Variants in NDUFAF5 observed in about 807,000 individuals in gnomAD.
NDUFAF5 encodes the protein NADH:ubiquinone oxidoreductase complex assembly factor 5, also known as arginine-hydroxylase NDUFAF5, mitochondrial.
NDUFAF5 carries 34 observed loss-of-function variants against 48.9 expected under a neutral mutation model. The ratio of observed to expected loss-of-function variants is 0.70; its 90% CI spans 0.53 to 0.93. NDUFAF5 has a LOEUF of 0.93. Ranked by LOEUF, NDUFAF5 falls within the 40% of genes least tolerant of loss-of-function variation. The probability of loss-of-function intolerance (pLI) is 0.00; values close to 1 mark genes in which losing one functional copy is unlikely to be tolerated. For missense variants in NDUFAF5, 428 were observed against 427.5 expected (o/e 1.00, Z -0.01); for synonymous variants, 153 against 150.6 (o/e 1.02, Z -0.12).
At chr20:13,796,127 G>A (rs898583476) in intron 5 of NDUFAF5, among the ~76,000 whole-genome samples, 3 of 152,096 alleles carry the variant, frequency 2.0e-5, no homozygotes, top group Admixed American at 6.5e-5. Context: ...CAACTCTTTC[G>A]ATAGCTGTTT....
At chr20:13,803,662 A>G (rs919575524) in intron 7 of NDUFAF5, among the ~76,000 whole-genome samples, 2 of 152,256 alleles carry the variant, frequency 1.3e-5, no homozygotes, top group Non-Finnish European at 2.9e-5. Context: ...AACATCTGTC[A>G]GTATTCACTA....
chr20:13,816,806 G>T, intron 9 of NDUFAF5, 69 bp from the exon 10 acceptor site: 1 of 979,478 alleles, frequency 1.0e-6, no homozygotes, highest in South Asian at 1.3e-5. Context: ...TGAAGAACAT[G>T]ACCTTTATTG....
chr20:13,785,068 G>A lies in NDUFAF5; in HGVS notation c.-1G>A. 6.2e-7 allele frequency: 1 copy of A among 1,610,574 alleles called. No homozygotes were observed. Among genetic ancestry groups the A allele is most frequent in the African/African-American group, 1.3e-5 (1 of 75,020 alleles). Reference sequence around the variant, plus strand: ...GCCGGCAATTGGGGTCGCAGCTGGAGATGCTGCGGCCGGCAGGGCTCTGGC... The same window carrying A: ...GCCGGCAATTGGGGTCGCAGCTGGAAATGCTGCGGCCGGCAGGGCTCTGGC... On this transcript the variant is annotated 5_prime_UTR_variant, in exon 1 of 11. Coordinates refer to ENST00000378106, the MANE Select transcript of NDUFAF5 (RefSeq NM_024120.5).
At chr20:13,793,855 T>C (rs1982743393) in intron 4 of NDUFAF5, among the ~76,000 whole-genome samples, 1 of 152,252 alleles carries the variant, frequency 6.6e-6, no homozygotes. Flanking sequence ...AGGTACTTTT[T>C]ACTACTTTGC....
intron 3 of NDUFAF5, among the ~76,000 whole-genome samples, chr20:13,791,803 T>C (rs1239565082): frequency 6.6e-6 from 1 of 152,196 alleles, no homozygotes; most frequent in African/African-American, 2.4e-5. Flanking sequence ...GCCTTCATTC[T>C]TTTTACTCCC....
At chr20:13,806,457 C>T (rs141242564) in intron 7 of NDUFAF5, among the ~76,000 whole-genome samples, 2 of 152,104 alleles carry the variant, frequency 1.3e-5, no homozygotes, top group Admixed American at 6.5e-5. Context: ...TGCAGTGAGC[C>T]GAGATCGCAC....
intron 3 of NDUFAF5, among the ~76,000 whole-genome samples, chr20:13,789,963 T>C (rs1166810163): frequency 6.6e-6 from 1 of 152,100 alleles, no homozygotes; most frequent in Non-Finnish European, 1.5e-5. Flanking sequence ...GTTCATGTGG[T>C]CAAGGATTCT....
In NDUFAF5 at chr20:13,816,499, C is replaced by T. The variant is rs1600395924; in HGVS notation, c.815C>T (p.Ala272Val). ...GESNCAWNRK[A>V]LLHRDTMLAA... ...AGTAACTGTGCTTGGAATAGAAAAG[C>T]CCTGCTGCATCGAGACACAATGCTG... The change falls in exon 9 of 11, where the codon GCC (alanine) becomes GTC (valine). Residue 272 changes from alanine to valine, a missense_variant. Coordinates refer to ENST00000378106, the MANE Select transcript of NDUFAF5 (RefSeq NM_024120.5). 2.5e-6 allele frequency: 4 copies of T among 1,614,138 alleles called. No individual in the cohort carries two copies. The highest frequency in any genetic ancestry group is 3.4e-6 in the Non-Finnish European group (4 of 1,179,988).
At chr20:13,790,308 G>A (rs1421687425) in intron 3 of NDUFAF5, among the ~76,000 whole-genome samples, 2 of 146,580 alleles carry the variant, frequency 1.4e-5, no homozygotes, top group Admixed American at 1.4e-4. Flanking sequence ...AGATATGGTA[G>A]GCAGAGCAAA....
At chr20:13,793,285 T>C (rs1358232440) in intron 4 of NDUFAF5, 58 bp downstream of exon 4, 3 of 1,360,622 alleles carry the variant, frequency 2.2e-6, no homozygotes, top group South Asian at 1.2e-5. Context: ...TCTCATATTT[T>C]ATTTCTTTAT....
At chr20:13,789,378 C>T (rs1030298309) in intron 3 of NDUFAF5, among the ~76,000 whole-genome samples, 40 of 151,896 alleles carry the variant, frequency 2.6e-4, no homozygotes, top group Admixed American at 1.4e-3. Context: ...TTGGCAAGGC[C>T]GGTCTTGAAC....
At chr20:13,812,198 C>T (rs1323005503) in intron 8 of NDUFAF5, among the ~76,000 whole-genome samples, 1 of 152,214 alleles carries the variant, frequency 6.6e-6, no homozygotes, top group African/African-American at 2.4e-5. Flanking sequence ...CGTGCAGCCT[C>T]CTCTGAGTGT....
intron 5 of NDUFAF5, among the ~76,000 whole-genome samples, chr20:13,795,381 C>T (rs188740913): frequency 5.3e-5 from 8 of 152,050 alleles, no homozygotes; most frequent in Admixed American, 5.2e-4. Context: ...AAAGTTGAGG[C>T]ACTATATCAT....
rs538620293 is a variant in NDUFAF5 at position 13,787,292 on chromosome 20, C to A, written c.223-20C>A. ...AGAGTGTTACTTCCCCGTTAACCTA[C>A]GCCTCGTGTAATCCTTCAGGTTGGA... On this transcript the variant is annotated intron_variant, in intron 1 of 10. Coordinates refer to ENST00000378106, the MANE Select transcript of NDUFAF5 (RefSeq NM_024120.5). 1.9e-5 allele frequency: 30 copies of A among 1,613,628 alleles called. No homozygotes were observed. In the African/African-American group the frequency reaches 2.8e-4, roughly 15 times the overall value.
intron 8 of NDUFAF5, among the ~76,000 whole-genome samples, chr20:13,810,344 C>T (rs1985692021): frequency 6.6e-6 from 1 of 152,178 alleles, no homozygotes; most frequent in South Asian, 2.1e-4. Context: ...AAAGGGAGCA[C>T]TTAGCAGCGT....
At chr20:13,807,382 A>G (rs774571376) in intron 7 of NDUFAF5, among the ~76,000 whole-genome samples, 27 of 152,062 alleles carry the variant, frequency 1.8e-4, no homozygotes, top group Non-Finnish European at 3.4e-4. Context: ...CCCTTTCCCC[A>G]AAGATTTGTT....
chr20:13,799,805 G>A (rs1983852440), intron 6 of NDUFAF5, among the ~76,000 whole-genome samples: 3 of 152,092 alleles, frequency 2.0e-5, no homozygotes, highest in Admixed American at 6.5e-5. Flanking sequence ...GGTGGTAATG[G>A]TAGGAGTTAA....
At chr20:13,799,728 C>T (rs1300095943) in intron 6 of NDUFAF5, among the ~76,000 whole-genome samples, 8 of 148,016 alleles carry the variant, frequency 5.4e-5, no homozygotes, top group African/African-American at 1.7e-4. Flanking sequence ...AAACTGATGC[C>T]TGGAGCAGTT....
intron 8 of NDUFAF5, among the ~76,000 whole-genome samples, chr20:13,812,095 A>C (rs4813143): frequency 0.35 from 52,618 of 152,114 alleles, 9,346 homozygotes; most frequent in Middle Eastern, 0.49. Flanking sequence ...ATTAGCTGCC[A>C]AACTCATGCT....
Sources: gnomAD v4.1 joint callset for allele counts (sites outside exome capture counted in the v4.1 genomes callset) on GRCh38, gnomAD v4.1.1 for gene constraint, MANE v1.5 for transcripts, NCBI Gene and HGNC (gene_info 2026-07-23, HGNC 2026-07-21) for gene names.